Variants in LYPD6B observed in about 807,000 individuals in gnomAD.
The protein encoded by LYPD6B is ly6/PLAUR domain-containing protein 6B.
LYPD6B carries 17 observed loss-of-function variants against 22.8 expected under a neutral mutation model. The ratio of observed to expected loss-of-function variants is 0.75; its 90% CI spans 0.51 to 1.12. The LOEUF is 1.12. Ranked by LOEUF, LYPD6B falls within the 50% of genes most tolerant of loss-of-function variation. LYPD6B has a pLI of 0.00. For missense variants in LYPD6B, 221 were observed against 258.3 expected (o/e 0.86, Z 0.99); for synonymous variants, 106 against 91.6 (o/e 1.16, Z -0.90).
At chr2:149,070,568 A>G (rs1684557379) in intron 1 of LYPD6B, among the ~76,000 whole-genome samples, 1 of 152,194 alleles carries the variant, frequency 6.6e-6, no homozygotes, top group South Asian at 2.1e-4. Flanking sequence ...CTCAATAAAT[A>G]ATGGCTGAAT....
intron 1 of LYPD6B, among the ~76,000 whole-genome samples, chr2:149,119,505 T>C (rs1353179568): frequency 6.6e-6 from 1 of 152,254 alleles, no homozygotes; most frequent in Non-Finnish European, 1.5e-5. Context: ...TCTTTTGACA[T>C]GTACCTTTGT....
chr2:149,099,541 C>G (rs1230861547), intron 1 of LYPD6B, among the ~76,000 whole-genome samples: 1 of 151,740 alleles, frequency 6.6e-6, no homozygotes, highest in African/African-American at 2.4e-5. Context: ...TGCCTGGAAC[C>G]CAGTGGAACT....
chr2:149,122,109 A>G (rs144611733), intron 1 of LYPD6B, among the ~76,000 whole-genome samples: 272 of 152,232 alleles, frequency 1.8e-3, no homozygotes, highest in African/African-American at 6.4e-3. Flanking sequence ...TTCATATTTC[A>G]CACCCCTCTG....
chr2:149,177,475 TC>T (rs1691398619), intron 3 of LYPD6B, among the ~76,000 whole-genome samples: 1 of 152,226 alleles, frequency 6.6e-6, no homozygotes, highest in South Asian at 2.1e-4. Context: ...TCACTTTGTT[TC>T]TTTGGCAGCC....
chr2:149,040,724 A>C (rs573844525), intron 1 of LYPD6B, among the ~76,000 whole-genome samples: 25 of 152,206 alleles, frequency 1.6e-4, no homozygotes, highest in Non-Finnish European at 3.1e-4. Flanking sequence ...TCATTTTACT[A>C]TCTCTGTCTT....
At chr2:149,051,636 T>A (rs1032163644) in intron 1 of LYPD6B, among the ~76,000 whole-genome samples, 1 of 151,950 alleles carries the variant, frequency 6.6e-6, no homozygotes, top group African/African-American at 2.4e-5. Flanking sequence ...TTTCTAGAAA[T>A]GACATAAGTG....
chr2:149,128,716 T>A (rs1236349866), intron 1 of LYPD6B, among the ~76,000 whole-genome samples: 1 of 152,212 alleles, frequency 6.6e-6, no homozygotes, highest in Non-Finnish European at 1.5e-5. Flanking sequence ...AAGTCAAAAT[T>A]TCTTAGGGAA....
At chr2:149,169,845 T>TTGAAGTTGC (rs1392472551) in intron 3 of LYPD6B, among the ~76,000 whole-genome samples, 2 of 152,180 alleles carry the variant, frequency 1.3e-5, no homozygotes, top group Admixed American at 1.3e-4. Context: ...ACAACTGTTC[T>TTGAAGTTGC]TATCCTAACT....
At chr2:149,183,765 A>G (rs1347027228) in intron 3 of LYPD6B, among the ~76,000 whole-genome samples, 1 of 152,252 alleles carries the variant, frequency 6.6e-6, no homozygotes, top group South Asian at 2.1e-4. Flanking sequence ...AGTTCCTCAT[A>G]TAGCGCACAG....
intron 1 of LYPD6B, chr2:149,100,999 C>T (rs1303285812): frequency 6.6e-6 from 1 of 152,192 alleles, no homozygotes; most frequent in Non-Finnish European, 1.5e-5. Context: ...CAGGTCAGAG[C>T]TGTGTCTTCA....
At chr2:149,062,391 T>C (rs1684129974) in intron 1 of LYPD6B, among the ~76,000 whole-genome samples, 1 of 152,192 alleles carries the variant, frequency 6.6e-6, no homozygotes, top group Non-Finnish European at 1.5e-5. Context: ...TTGATGATGA[T>C]CACGATGATG....
At chr2:149,068,789 A>T in intron 1 of LYPD6B, 1 of 480,614 alleles carries the variant, frequency 2.1e-6, no homozygotes, top group Non-Finnish European at 4.3e-6. Flanking sequence ...GGAATGAAAC[A>T]AAGGCTCGAT....
At chr2:149,071,276 T>A (rs1391038953) in intron 1 of LYPD6B, among the ~76,000 whole-genome samples, 2 of 152,224 alleles carry the variant, frequency 1.3e-5, no homozygotes, top group African/African-American at 2.4e-5. Flanking sequence ...TATTTTGGCT[T>A]TGCTGTTCAT....
At position 149,059,836 on chromosome 2, in the gene LYPD6B, C is replaced by G. The variant is rs151075668; in HGVS notation, c.-67+21035C>G. 1.7e-3 allele frequency among the ~76,000 whole-genome samples: 256 copies of G among 152,290 alleles called. 1 individual carries two copies. Among genetic ancestry groups the G allele is most frequent in the Admixed American group, 3.1e-3 (48 of 15,290 alleles). ...TGGGAGAACACTCAGAATAAAGCAG[C>G]CTGTGCACTTGCCTGGGGACAGGAA... On this transcript the variant is annotated intron_variant, in intron 1 of 6. Coordinates refer to ENST00000409642, the MANE Select transcript of LYPD6B (RefSeq NM_177964.5).
At chr2:149,089,817 A>G (rs1685567272) in intron 1 of LYPD6B, among the ~76,000 whole-genome samples, 1 of 152,232 alleles carries the variant, frequency 6.6e-6, no homozygotes. Context: ...CAATGGTTCA[A>G]TAAAAAAGCA....
intron 1 of LYPD6B, among the ~76,000 whole-genome samples, chr2:149,052,867 G>A (rs1683626559): frequency 6.6e-6 from 1 of 152,174 alleles, no homozygotes; most frequent in Non-Finnish European, 1.5e-5. Flanking sequence ...AACATAAAGA[G>A]AAGAAAACGA....
At chr2:149,189,342 TTA>T (rs770703554) in intron 3 of LYPD6B, among the ~76,000 whole-genome samples, 10 of 66,102 alleles carry the variant, frequency 1.5e-4, no homozygotes, top group African/African-American at 5.5e-4. Context: ...TTGTCCAAAA[TTA>T]TATATATATA....
chr2:149,065,505 G>A (rs975133127), intron 1 of LYPD6B, among the ~76,000 whole-genome samples: 5 of 152,210 alleles, frequency 3.3e-5, no homozygotes, highest in African/African-American at 1.2e-4. Flanking sequence ...TTTCTCTTCT[G>A]CCCAATCTAG....
At chr2:149,190,597 C>T (rs992942016) in intron 3 of LYPD6B, among the ~76,000 whole-genome samples, 3 of 152,128 alleles carry the variant, frequency 2.0e-5, no homozygotes, top group Admixed American at 6.6e-5. Flanking sequence ...ATCAGCTTGG[C>T]CAAAATTTAG....
Sources: gnomAD v4.1 joint callset for allele counts (sites outside exome capture counted in the v4.1 genomes callset) on GRCh38, gnomAD v4.1.1 for gene constraint, MANE v1.5 for transcripts, NCBI Gene and HGNC (gene_info 2026-07-23, HGNC 2026-07-21) for gene names.